The following CSMD2 variants were observed in gnomAD, a reference collection of about 807,000 sequenced individuals.
CSMD2 encodes the protein CUB and sushi domain-containing protein 2.
In CSMD2, 130 loss-of-function variants were observed where a neutral mutation model predicts 398.5. The ratio of observed to expected loss-of-function variants is 0.33; its 90% confidence interval spans 0.28 to 0.38. CSMD2 has a LOEUF of 0.38. CSMD2 is among the 10% of genes least tolerant of loss of function. The pLI is 1.00. For synonymous variants in CSMD2, 1,828 were observed against 1,908.5 expected (o/e 0.96, Z 1.10); for missense variants, 3,829 against 4,764.9 (o/e 0.80, Z 5.78).
At chr1:33,957,553 G>T (rs1239927526) in intron 3 of CSMD2, among the ~76,000 whole-genome samples, 2 of 152,212 alleles carry the variant, frequency 1.3e-5, no homozygotes. Flanking sequence ...GAGTGAACAA[G>T]TTTCATGCCT....
Position 33,520,307 on chromosome 1 carries a change from A to T in CSMD2, c.10598-357T>A, listed in dbSNP as rs1182293195. Among the ~76,000 whole-genome samples the T allele has an allele frequency of 2.0e-5, 3 of 152,232 alleles. No homozygotes were observed. In the East Asian group the frequency reaches 5.8e-4, roughly 29 times the overall value. On this transcript the variant is annotated intron_variant, in intron 68 of 70. Coordinates refer to ENST00000373381, the MANE Select transcript of CSMD2 (RefSeq NM_001281956.2). ...GCAGCCTTTTATCAGATGAAACCTT[A>T]CAGGCACAACAAAATATAAGACAGA...
intron 3 of CSMD2, among the ~76,000 whole-genome samples, chr1:33,957,942 TG>T (rs1645222680): frequency 6.6e-6 from 1 of 151,844 alleles, no homozygotes; most frequent in African/African-American, 2.4e-5. Flanking sequence ...TGTGTGTGTG[TG>T]TGTGTGTGTG....
rs867595146 is a variant in CSMD2 at position 33,540,563 on chromosome 1, C to T, written c.9593G>A (p.Gly3198Glu). The stretch of plus-strand genomic sequence containing the variant: ...CAGCTCTCCGGTCCAGGACCCATTT[C>T]CCTCACAGGTGAACACCGCGGGCAG... ...LSLPAVFTCE[G>E]NGSWTGELPQ... is the part of the protein sequence containing the mutation. Residue 3198 changes from glycine to glutamate, a missense_variant, in exon 60 of 71, where the codon GGA becomes GAA. By Grantham distance (98) the Gly-to-Glu change is moderately conservative. Coordinates refer to ENST00000373381, the MANE Select transcript of CSMD2 (RefSeq NM_001281956.2). The T allele has an allele frequency of 6.2e-7, 1 of 1,614,196 alleles. No homozygotes were observed. Among genetic ancestry groups the T allele is most frequent in the Non-Finnish European group, 8.5e-7 (1 of 1,180,036 alleles).
At chr1:33,632,401 A>T (rs965595829) in intron 32 of CSMD2, among the ~76,000 whole-genome samples, 1 of 152,144 alleles carries the variant, frequency 6.6e-6, no homozygotes, top group Admixed American at 6.5e-5. Context: ...CTTATAAAAT[A>T]TGGAGCTCTA....
chr1:33,547,817 G>A (rs1657055442), intron 56 of CSMD2, among the ~76,000 whole-genome samples: 1 of 152,174 alleles, frequency 6.6e-6, no homozygotes, highest in Non-Finnish European at 1.5e-5. Context: ...CCCACACACT[G>A]GCTAGCTAAC....
intron 3 of CSMD2, among the ~76,000 whole-genome samples, chr1:34,000,621 C>T (rs764644154): frequency 6.6e-6 from 1 of 152,088 alleles, no homozygotes; most frequent in Non-Finnish European, 1.5e-5. Flanking sequence ...TAGTAGGGAA[C>T]TAGCCAGAGA....
At position 33,625,113 on chromosome 1, in the gene CSMD2, A is replaced by C; in HGVS notation, c.5438T>G (p.Ile1813Ser). ...SGYALQGSPE[I>S]ECLPVPGALA... is the part of the protein sequence containing the mutation. Reference sequence around the variant, plus strand: ...GGCCCCAGGCACAGGGAGGCACTCGATCTCTGGCGACCCCTGCAGGGCATA... The same window carrying C: ...GGCCCCAGGCACAGGGAGGCACTCGCTCTCTGGCGACCCCTGCAGGGCATA... The change falls in exon 34 of 71, where the codon ATC (isoleucine) becomes AGC (serine). Residue 1813 changes from isoleucine (I) to serine (S), a missense_variant. Coordinates refer to ENST00000373381, the MANE Select transcript of CSMD2 (RefSeq NM_001281956.2). 6.2e-7 allele frequency: 1 copy of C among 1,613,856 alleles called. No individual in the cohort carries two copies. The highest frequency in any genetic ancestry group is 8.5e-7 in the Non-Finnish European group (1 of 1,179,930).
intron 3 of CSMD2, among the ~76,000 whole-genome samples, chr1:33,962,856 G>A (rs749077645): frequency 6.6e-6 from 1 of 152,112 alleles, no homozygotes; most frequent in Non-Finnish European, 1.5e-5. Flanking sequence ...TTTATTCATA[G>A]CATCTAACAT....
rs755952714 is a variant in CSMD2 at position 33,600,888 on chromosome 1, C to T, written c.6833G>A (p.Gly2278Glu). 5.0e-5 allele frequency: 81 copies of T among 1,614,004 alleles called. No individual in the cohort carries two copies. Among genetic ancestry groups the T allele is most frequent in the Non-Finnish European group, 6.3e-5 (74 of 1,180,020 alleles). The change falls in exon 44 of 71, where the codon GGG becomes GAG. Residue 2278 changes from glycine to glutamate, a missense_variant. Around this residue, in one of 5 missense-constraint regions of CSMD2, gnomAD observed 723 missense variants for 758.6 expected, o/e 0.95. Transcript: ENST00000373381. Reference sequence around the variant, plus strand: ...ACCGGAGAAAGCTATGGCGAAGATCCCCCCTGTGGCTGCATCACGGTGGAA... The same window carrying T: ...ACCGGAGAAAGCTATGGCGAAGATCTCCCCTGTGGCTGCATCACGGTGGAA... ...LKFHRDAATG[G>E]IFAIAFSAYP...
chr1:33,695,693 T>C (rs924537798), intron 24 of CSMD2, among the ~76,000 whole-genome samples: 1 of 152,240 alleles, frequency 6.6e-6, no homozygotes, highest in Non-Finnish European at 1.5e-5. Context: ...CTTTATCAAA[T>C]GCAAACAAGT....
chr1:33,994,353 C>T (rs748333759), intron 3 of CSMD2, among the ~76,000 whole-genome samples: 1 of 148,688 alleles, frequency 6.7e-6, no homozygotes, highest in Non-Finnish European at 1.5e-5. Context: ...TGTCTTCCCC[C>T]TGATGAGTCC....
At chr1:34,034,728 A>G (rs983723904) in intron 2 of CSMD2, among the ~76,000 whole-genome samples, 8 of 152,184 alleles carry the variant, frequency 5.3e-5, no homozygotes, top group African/African-American at 1.9e-4. Context: ...TGGATACAAC[A>G]TAAAACCCCA....
chr1:34,160,708 A>G (rs1225227135), intron 1 of CSMD2, among the ~76,000 whole-genome samples: 1 of 152,222 alleles, frequency 6.6e-6, no homozygotes, highest in Non-Finnish European at 1.5e-5. Context: ...GTAAGCTCAC[A>G]TTTTAATATA....
In CSMD2 at chr1:33,918,181, TC is replaced by T; in HGVS notation, c.832del (p.Asp278ThrfsTer74). On this transcript the variant is annotated frameshift_variant, in exon 5 of 71. Transcript: ENST00000373381. LOFTEE classifies it high-confidence loss of function. ...GTCAATAAACACCAGGGCGATGGTG[TC>T]CCCCAGCTCAGCCAGGATGGTCCAT... is the stretch of plus-strand genomic sequence containing the variant. ...CTWTILAELG[D>X]TIALVFIDFQ... The T allele has an allele frequency of 6.2e-7, 1 of 1,614,050 alleles. No individual in the cohort carries two copies. The highest frequency in any genetic ancestry group is 8.5e-7 in the Non-Finnish European group (1 of 1,180,006).
Position 33,515,481 on chromosome 1 carries a change from T to G in CSMD2, c.*1143A>C, listed in dbSNP as rs1570587344. On this transcript the variant is annotated 3_prime_UTR_variant, in exon 71 of 71. Transcript: ENST00000373381. The stretch of plus-strand genomic sequence containing the variant: ...ACAGGGTTTCTGGCAGCTGGTGTAG[T>G]GGACTTTGGGGCAGACTGATCTGGG... 6.6e-6 allele frequency: 1 copy of G among 152,278 alleles called. No individual in the cohort carries two copies. The highest frequency in any genetic ancestry group is 6.5e-5 in the Admixed American group (1 of 15,288). The allele number at this position is 152,278 out of a possible 1,614,324, so 9.4% of individuals were successfully genotyped here. A position where few individuals can be genotyped will look rare whatever the true frequency, so the allele number is the denominator to read the frequency against.
chr1:33,814,225 A>G (rs899051500), intron 9 of CSMD2: 1 of 152,202 alleles, frequency 6.6e-6, no homozygotes, highest in African/African-American at 2.4e-5. Context: ...AGTTGCCTAG[A>G]AGACATCAGT....
At chr1:33,799,460 A>G (rs778158378) in intron 10 of CSMD2, among the ~76,000 whole-genome samples, 6 of 152,200 alleles carry the variant, frequency 3.9e-5, no homozygotes, top group Non-Finnish European at 7.3e-5. Context: ...GATCTAGTTC[A>G]TAATTTGGGA....
intron 49 of CSMD2, among the ~76,000 whole-genome samples, chr1:33,575,468 G>T (rs1659984706): frequency 6.6e-6 from 1 of 152,142 alleles, no homozygotes; most frequent in African/African-American, 2.4e-5. Flanking sequence ...AGCTGGGTAG[G>T]GACTGAGGGT....
chr1:33,622,729 C>T (rs1641853378), intron 36 of CSMD2, among the ~76,000 whole-genome samples: 1 of 152,174 alleles, frequency 6.6e-6, no homozygotes, highest in Admixed American at 6.5e-5. Flanking sequence ...AGTCAGAAGT[C>T]CATTACTAGA....
Sources: allele counts gnomAD v4.1 joint callset (sites outside exome capture counted in the v4.1 genomes callset), GRCh38; gene constraint gnomAD v4.1.1; regional missense constraint gnomAD v4.1.1; transcripts MANE v1.5; gene names NCBI Gene and HGNC (gene_info 2026-07-23, HGNC 2026-07-21).